The following GPM6A variants were observed in gnomAD, a reference collection of about 807,000 sequenced individuals.
GPM6A encodes the protein neuronal membrane glycoprotein M6-a.
GPM6A carries 7 observed loss-of-function variants against 32.1 expected under a neutral mutation model. The ratio of observed to expected loss-of-function variants is 0.22; its 90% confidence interval spans 0.12 to 0.41. The LOEUF (loss-of-function observed/expected upper bound fraction) is 0.41. GPM6A is among the 10% of genes least tolerant of loss of function. The pLI, the probability that GPM6A is intolerant of heterozygous loss-of-function variation, is 1.00. For missense variants in GPM6A, 235 were observed against 347.2 expected (o/e 0.68, Z 2.57); for synonymous variants, 130 against 123.4 (o/e 1.05, Z -0.35).
intron 2 of GPM6A, among the ~76,000 whole-genome samples, chr4:175,695,586 T>C (rs1744532673): frequency 6.6e-6 from 1 of 152,224 alleles, no homozygotes; most frequent in Non-Finnish European, 1.5e-5. Context: ...AATTGGAGTA[T>C]TTACCCAATG....
chr4:175,732,075 G>C (rs1478689878), intron 1 of GPM6A, among the ~76,000 whole-genome samples: 2 of 148,536 alleles, frequency 1.3e-5, no homozygotes, highest in Admixed American at 6.9e-5. Flanking sequence ...CAAGCGATTC[G>C]CCTGCCTCAG....
intron 1 of GPM6A, among the ~76,000 whole-genome samples, chr4:175,762,494 G>A (rs142083911): frequency 1.3e-5 from 2 of 152,100 alleles, no homozygotes; most frequent in East Asian, 1.9e-4. Context: ...GTCTTTTATC[G>A]AGTATTGCTA....
intron 1 of GPM6A, among the ~76,000 whole-genome samples, chr4:175,758,124 T>C (rs539990893): frequency 3.3e-5 from 5 of 152,266 alleles, no homozygotes; most frequent in Admixed American, 2.6e-4. Flanking sequence ...AAGTAACCCA[T>C]TGAACCTCTC....
At chr4:175,718,292 A>T (rs964960621) in intron 1 of GPM6A, among the ~76,000 whole-genome samples, 3 of 152,202 alleles carry the variant, frequency 2.0e-5, no homozygotes, top group African/African-American at 7.2e-5. Context: ...AAGAACAAGT[A>T]AAACTTTGTA....
At chr4:175,635,995 T>C (rs1740560701) in intron 6 of GPM6A, among the ~76,000 whole-genome samples, 1 of 151,896 alleles carries the variant, frequency 6.6e-6, no homozygotes, top group Non-Finnish European at 1.5e-5. Flanking sequence ...AAAGTACAGA[T>C]GGATATAAAG....
intron 1 of GPM6A, among the ~76,000 whole-genome samples, chr4:175,767,684 A>G (rs1733027878): frequency 6.6e-6 from 1 of 152,228 alleles, no homozygotes; most frequent in Non-Finnish European, 1.5e-5. Flanking sequence ...AATGCATTTT[A>G]GGAGTTTTAT....
intron 1 of GPM6A, among the ~76,000 whole-genome samples, chr4:175,986,649 A>C (rs1740984712): frequency 6.6e-6 from 1 of 152,172 alleles, no homozygotes; most frequent in African/African-American, 2.4e-5. Context: ...TGTTGTTTAT[A>C]ATCTCCCATG....
intron 1 of GPM6A, among the ~76,000 whole-genome samples, chr4:175,890,557 TTTTA>T (rs1163897166): frequency 1.3e-5 from 2 of 151,498 alleles, no homozygotes; most frequent in African/African-American, 4.8e-5. Context: ...TTTTATTTTA[TTTTA>T]TTATTTTATT....
chr4:175,846,852 G>A (rs73008154), intron 1 of GPM6A, among the ~76,000 whole-genome samples: 4,919 of 152,094 alleles, frequency 0.032, 251 homozygotes, highest in African/African-American at 0.11. Context: ...CGTTAACTGT[G>A]AGATGTGTAT....
At chr4:175,919,756 A>G (rs1227594541) in intron 1 of GPM6A, among the ~76,000 whole-genome samples, 2 of 152,336 alleles carry the variant, frequency 1.3e-5, no homozygotes, top group East Asian at 3.9e-4. Flanking sequence ...AGCTGGGTAC[A>G]GTTATTGACC....
At chr4:175,741,435 TA>T (rs1202721833) in intron 1 of GPM6A, among the ~76,000 whole-genome samples, 24 of 152,124 alleles carry the variant, frequency 1.6e-4, no homozygotes, top group African/African-American at 5.8e-4. Flanking sequence ...TTCTTAGTTT[TA>T]ACGTATGTAT....
intron 1 of GPM6A, among the ~76,000 whole-genome samples, chr4:175,763,192 T>G (rs1732819287): frequency 6.6e-6 from 1 of 152,192 alleles, no homozygotes; most frequent in East Asian, 1.9e-4. Context: ...TTTTATATTT[T>G]TAGTAAAGAT....
chr4:175,930,825 T>C (rs1366800508), intron 1 of GPM6A, among the ~76,000 whole-genome samples: 1 of 152,162 alleles, frequency 6.6e-6, no homozygotes, highest in East Asian at 1.9e-4. Context: ...TGGCACAATA[T>C]ATTATTAAAT....
rs187285857 is a variant in GPM6A at position 175,919,284 on chromosome 4, A to T, written c.-23+83025T>A. 8.8e-4 allele frequency among the ~76,000 whole-genome samples: 134 copies of T among 152,242 alleles called. 1 individual carries two copies. Among genetic ancestry groups the T allele is most frequent in the African/African-American group, 2.9e-3 (121 of 41,544 alleles). ...GAGTTTTTTTGAGGTACTTCTAAAA[A>T]TTCTGTGTATCATAAAAGGTGACTT... On this transcript the variant is annotated intron_variant, in intron 1 of 7. Transcript: ENST00000280187.
chr4:175,985,486 T>C (rs1477089626), intron 1 of GPM6A, among the ~76,000 whole-genome samples: 3 of 152,220 alleles, frequency 2.0e-5, no homozygotes. Context: ...CTTTATTATA[T>C]AGACAAGTGC....
chr4:175,862,871 C>T lies in GPM6A; in HGVS notation c.-22-50622G>A, dbSNP rs144611219. ...GTGTTGAAAGCTTTGGTTGCTGTTGCGAATAGGGTCATCTCAGCTTTGTGT... is the reference window on the plus strand; with the variant it reads ...GTGTTGAAAGCTTTGGTTGCTGTTGTGAATAGGGTCATCTCAGCTTTGTGT... On this transcript the variant is annotated intron_variant, in intron 1 of 7. Coordinates refer to the GPM6A transcript ENST00000280187. Among the ~76,000 whole-genome samples, 14 of 152,030 alleles carry T rather than the reference C, an allele frequency of 9.2e-5. No individual in the cohort carries two copies. In the East Asian group the frequency reaches 1.7e-3, roughly 19 times the overall value.
chr4:175,635,198 A>G (rs1412655501), intron 6 of GPM6A, 141 bp from the exon 7 acceptor site: 1 of 657,518 alleles, frequency 1.5e-6, no homozygotes, highest in East Asian at 2.7e-5. Context: ...TTCTTTGGTA[A>G]CAGAAACAAT....
intron 1 of GPM6A, among the ~76,000 whole-genome samples, chr4:175,856,437 C>T (rs1468472407): frequency 2.0e-5 from 3 of 152,320 alleles, no homozygotes; most frequent in South Asian, 4.1e-4. Flanking sequence ...AACCCCATAC[C>T]AGCGCGCAGC....
At chr4:175,866,390 G>C (rs1420592497) in intron 1 of GPM6A, among the ~76,000 whole-genome samples, 1 of 152,078 alleles carries the variant, frequency 6.6e-6, no homozygotes, top group Non-Finnish European at 1.5e-5. Flanking sequence ...GTATCATACA[G>C]AGCATTTTCA....
Sources: gnomAD v4.1 joint callset for allele counts (sites outside exome capture counted in the v4.1 genomes callset) on GRCh38, gnomAD v4.1.1 for gene constraint, MANE v1.5 for transcripts, NCBI Gene and HGNC (gene_info 2026-07-23, HGNC 2026-07-21) for gene names.